The following ADGRV1 variants were observed in gnomAD, a reference collection of about 807,000 sequenced individuals.
ADGRV1 encodes G-protein coupled receptor 98.
ADGRV1 carries 359 observed loss-of-function variants against 596.2 expected under a neutral mutation model. The observed-to-expected ratio is 0.60, with a 90% CI of 0.55 to 0.66. The LOEUF is 0.66. ADGRV1 is among the 30% of genes least tolerant of loss of function. ADGRV1 has a pLI of 0.00. For synonymous variants in ADGRV1, 2,681 were observed against 2,679.2 expected, an observed-to-expected ratio of 1.00 and a Z score of -0.02; for missense variants, 7,274 against 7,575.6, an observed-to-expected ratio of 0.96 and a Z score of 1.48.
intron 59 of ADGRV1, among the ~76,000 whole-genome samples, chr5:90,768,025 A>G (rs1757327258): frequency 1.3e-5 from 2 of 152,240 alleles, no homozygotes; most frequent in South Asian, 2.1e-4. Context: ...TCAAATGTCT[A>G]TAAAGATTTT....
Position 90,811,229 on chromosome 5 carries a change from G to A in ADGRV1, c.15969G>A (p.Glu5323=), listed in dbSNP as rs1396808194. ...AAATTTTGGATGATGATGAGCCTGA[G>A]GGGCAGGAATTCTTCTACGTGTTTC... The part of the protein sequence containing the change: ...SVQILDDDEP[E]GQEFFYVFLT... The change falls in exon 74 of 90, where the codon GAG becomes GAA. Residue 5323 remains glutamate (E), a synonymous_variant. Transcript: ENST00000405460. The A allele has an allele frequency of 1.2e-6, 2 of 1,612,792 alleles. No homozygotes were observed. The highest frequency in any genetic ancestry group is 1.3e-5 in the African/African-American group (1 of 74,918).
In ADGRV1 at chr5:90,654,102, C is replaced by G. The variant is rs1266631247; in HGVS notation, c.4378+150C>G. 4 of 813,400 alleles carry G rather than the reference C, an allele frequency of 4.9e-6. No individual in the cohort carries two copies. In the African/African-American group the frequency reaches 6.9e-5, roughly 14 times the overall value. 50.4% of individuals were successfully genotyped at this position (813,400 alleles called of 1,614,324 possible). ...TCTTTAATCAAAACTATGTGCCTACCAAGATAATGAGAAATTCTGTCCTGA... is the reference window on the plus strand; with the variant it reads ...TCTTTAATCAAAACTATGTGCCTACGAAGATAATGAGAAATTCTGTCCTGA... On this transcript the variant is annotated intron_variant, in intron 20 of 89. Transcript: ENST00000405460.
intron 85 of ADGRV1, among the ~76,000 whole-genome samples, chr5:90,987,107 A>G (rs756932729): frequency 5.3e-5 from 8 of 152,332 alleles, no homozygotes; most frequent in African/African-American, 4.8e-5. Context: ...CTTTTGGTAA[A>G]TGTTCTCTAT....
At chr5:90,867,907 T>G (rs1285576667) in intron 83 of ADGRV1, among the ~76,000 whole-genome samples, 2 of 152,204 alleles carry the variant, frequency 1.3e-5, no homozygotes, top group Non-Finnish European at 2.9e-5. Flanking sequence ...TAAAAAAGTA[T>G]GTAAGCGTTT....
intron 7 of ADGRV1, 180 bp downstream of exon 7, chr5:90,627,956 AC>A (rs2149378777): frequency 4.6e-6 from 2 of 431,730 alleles, no homozygotes; most frequent in South Asian, 5.9e-5. Flanking sequence ...ACACACACAC[AC>A]ACACAAGAAT....
intron 85 of ADGRV1, among the ~76,000 whole-genome samples, chr5:91,040,411 G>C (rs1785243439): frequency 6.6e-6 from 1 of 152,168 alleles, no homozygotes; most frequent in African/African-American, 2.4e-5. Context: ...GCTTCATGAG[G>C]ACAGGAATCC....
intron 34 of ADGRV1, 129 bp downstream of exon 34, chr5:90,697,275 T>C (rs938745903): frequency 1.2e-6 from 1 of 806,486 alleles, no homozygotes; most frequent in African/African-American, 1.7e-5. Flanking sequence ...TTAATCTGCA[T>C]AGAACTTCTT....
intron 83 of ADGRV1, among the ~76,000 whole-genome samples, chr5:90,892,012 A>G (rs1446356188): frequency 6.6e-6 from 1 of 152,010 alleles, no homozygotes; most frequent in African/African-American, 2.4e-5. Context: ...ATCCTTTAGA[A>G]TGTAAAGACT....
intron 25 of ADGRV1, among the ~76,000 whole-genome samples, chr5:90,678,433 A>T (rs1744523146): frequency 6.6e-6 from 1 of 151,604 alleles, no homozygotes; most frequent in Admixed American, 6.6e-5. Context: ...AAAGTACTTT[A>T]TATTTTATAT....
chr5:90,760,144 C>T (rs1287971961), intron 58 of ADGRV1, among the ~76,000 whole-genome samples: 10 of 150,948 alleles, frequency 6.6e-5, no homozygotes, highest in East Asian at 1.9e-4. Context: ...GGTGTGGTGG[C>T]GCATGCTTGT....
At chr5:90,880,195 A>G (rs1158988704) in intron 83 of ADGRV1, among the ~76,000 whole-genome samples, 1 of 152,150 alleles carries the variant, frequency 6.6e-6, no homozygotes, top group Non-Finnish European at 1.5e-5. Flanking sequence ...TCATGATCCC[A>G]TAGCTATGAA....
intron 11 of ADGRV1, among the ~76,000 whole-genome samples, chr5:90,638,346 A>G (rs1278367049): frequency 6.6e-6 from 1 of 152,126 alleles, no homozygotes; most frequent in African/African-American, 2.4e-5. Flanking sequence ...TGTGAGTAAA[A>G]AGAAAACATT....
At chr5:90,706,170 AGG>A in intron 37 of ADGRV1, 59 bp from the exon 38 acceptor site, 3 of 1,475,804 alleles carry the variant, frequency 2.0e-6, no homozygotes, top group Non-Finnish European at 2.7e-6. Context: ...AAAATTCACA[AGG>A]GGATATTATT....
At chr5:90,677,053 G>A (rs990395284) in intron 25 of ADGRV1, among the ~76,000 whole-genome samples, 1 of 152,102 alleles carries the variant, frequency 6.6e-6, no homozygotes, top group African/African-American at 2.4e-5. Flanking sequence ...GATATGCATT[G>A]TTAATTACCT....
intron 85 of ADGRV1, among the ~76,000 whole-genome samples, chr5:90,998,508 T>C (rs1781592662): frequency 6.6e-6 from 1 of 152,154 alleles, no homozygotes; most frequent in African/African-American, 2.4e-5. Context: ...ATTTGTAATG[T>C]TCTATTGTGT....
intron 75 of ADGRV1, among the ~76,000 whole-genome samples, chr5:90,818,240 C>T (rs1763108771): frequency 6.6e-6 from 1 of 151,918 alleles, no homozygotes; most frequent in African/African-American, 2.4e-5. Flanking sequence ...TGTAAGAATG[C>T]TTGTGATTTT....
At position 90,711,198 on chromosome 5, in the gene ADGRV1, A is replaced by C; in HGVS notation, c.8918A>C (p.Glu2973Ala). 1 of 1,611,802 alleles carries C rather than the reference A, an allele frequency of 6.2e-7. No individual in the cohort carries two copies. Among genetic ancestry groups the C allele is most frequent in the Non-Finnish European group, 8.5e-7 (1 of 1,178,878 alleles). Residue 2973 changes from glutamate (E) to alanine (A), a missense_variant, in exon 41 of 90, where the codon GAA (glutamate) becomes GCA (alanine). Coordinates refer to ENST00000405460, the MANE Select transcript of ADGRV1 (RefSeq NM_032119.4). The part of the protein sequence containing the change: ...EWQQSRFEVN[E>A]THGSLTLVAQ... ...CTATATTATAGGTTTGAAGTAAATG[A>C]AACCCATGGAAGTTTAACATTGGTA...
chr5:90,904,663 A>G (rs182014732), intron 83 of ADGRV1, among the ~76,000 whole-genome samples: 54 of 151,682 alleles, frequency 3.6e-4, no homozygotes, highest in African/African-American at 1.2e-3. Context: ...TCAGATGGGC[A>G]ATTTTCTTCC....
At chr5:91,054,663 C>G (rs1786676849) in intron 85 of ADGRV1, among the ~76,000 whole-genome samples, 1 of 152,196 alleles carries the variant, frequency 6.6e-6, no homozygotes, top group African/African-American at 2.4e-5. Flanking sequence ...AAGGGCCTGT[C>G]TTGGGCTTCT....
Sources: gnomAD v4.1 joint callset for allele counts (sites outside exome capture counted in the v4.1 genomes callset) on GRCh38, gnomAD v4.1.1 for gene constraint, MANE v1.5 for transcripts, NCBI Gene and HGNC (gene_info 2026-07-23, HGNC 2026-07-21) for gene names.